The following RORC variants were observed in gnomAD, a reference collection of about 807,000 sequenced individuals.
RORC encodes the protein nuclear receptor ROR-gamma.
Under a neutral mutation model 64.5 loss-of-function variants are expected in RORC, and 13 were observed. The observed-to-expected ratio is 0.20, with a 90% CI of 0.13 to 0.32. The LOEUF (loss-of-function observed/expected upper bound fraction) is 0.32. Ranked by LOEUF, RORC falls within the 10% of genes least tolerant of loss-of-function variation. The pLI, the probability that RORC is intolerant of heterozygous loss-of-function variation, is 1.00. For synonymous variants in RORC, 277 were observed against 259.3 expected (o/e 1.07, Z -0.65); for missense variants, 468 against 669.5 (o/e 0.70, Z 3.32).
At chr1:151,824,309 G>A (rs776555078) in intron 2 of RORC, among the ~76,000 whole-genome samples, 2 of 152,134 alleles carry the variant, frequency 1.3e-5, no homozygotes, top group African/African-American at 4.8e-5. Flanking sequence ...GTGTGTGGTG[G>A]GGGTGGGAAT....
At chr1:151,825,688 G>A (rs1017609949) in intron 2 of RORC, among the ~76,000 whole-genome samples, 1 of 152,070 alleles carries the variant, frequency 6.6e-6, no homozygotes, top group Non-Finnish European at 1.5e-5. Flanking sequence ...GATACTTTTG[G>A]AGGTTCTTTT....
chr1:151,829,073 C>G (rs996258141), intron 2 of RORC, among the ~76,000 whole-genome samples: 9 of 150,714 alleles, frequency 6.0e-5, no homozygotes, highest in African/African-American at 1.7e-4. Flanking sequence ...CCTCCGCACA[C>G]CCCCCTACCT....
Position 151,815,377 on chromosome 1 carries a change from G to A in RORC, c.347C>T (p.Ala116Val), listed in dbSNP as rs1318069266. The change falls in exon 5 of 11, where the codon GCA (alanine) becomes GTA (valine). Residue 116 changes from alanine to valine, a missense_variant. Ala to Val is a moderately conservative substitution (Grantham distance 64, BLOSUM62 0). Coordinates refer to ENST00000318247, the MANE Select transcript of RORC (RefSeq NM_005060.4). ...MSKKQRDSLH[A>V]EVQKQLQQRQ... ...CTGCTGCAGCTGTTTCTGCACTTCT[G>A]CATGCAGGCTGTCCCTCTGCTTCTT... 6.4e-7 allele frequency: 1 copy of A among 1,559,810 alleles called. No homozygotes were observed. The highest frequency in any genetic ancestry group is 1.9e-5 in the Admixed American group (1 of 51,584).
intron 2 of RORC, among the ~76,000 whole-genome samples, chr1:151,824,213 A>G (rs1376020191): frequency 1.3e-5 from 2 of 152,090 alleles, no homozygotes; most frequent in Non-Finnish European, 2.9e-5. Context: ...ATACCTGTAA[A>G]TGTCCAAGTG....
intron 2 of RORC, among the ~76,000 whole-genome samples, chr1:151,823,951 C>G (rs1652093866): frequency 6.6e-6 from 1 of 152,202 alleles, no homozygotes; most frequent in African/African-American, 2.4e-5. Flanking sequence ...GCGTTTGGCT[C>G]TATTGGTGTT....
At chr1:151,824,742 ACT>A (rs1271482695) in intron 2 of RORC, among the ~76,000 whole-genome samples, 1 of 151,560 alleles carries the variant, frequency 6.6e-6, no homozygotes, top group African/African-American at 2.4e-5. Flanking sequence ...GGAATGGGAG[ACT>A]CTCCATAGTT....
intron 6 of RORC, 49 bp from the exon 7 acceptor site, chr1:151,813,669 G>T (rs1651632347): frequency 6.2e-7 from 1 of 1,602,424 alleles, no homozygotes; most frequent in Admixed American, 1.7e-5. Flanking sequence ...GTGGCCCTGT[G>T]ATCCTCCTGA....
intron 2 of RORC, among the ~76,000 whole-genome samples, chr1:151,821,476 T>C (rs1651992065): frequency 6.6e-6 from 1 of 152,208 alleles, no homozygotes; most frequent in Non-Finnish European, 1.5e-5. Flanking sequence ...ACATAAGCAT[T>C]GGCTGAATTC....
intron 4 of RORC, 72 bp downstream of exon 4, chr1:151,816,592 C>A: frequency 6.8e-7 from 1 of 1,470,920 alleles, no homozygotes; most frequent in Admixed American, 2.1e-5. Context: ...TAAGCCTTGT[C>A]TAGCTCAGCA....
intron 2 of RORC, among the ~76,000 whole-genome samples, chr1:151,823,269 T>C (rs866356161): frequency 3.3e-5 from 5 of 152,114 alleles, no homozygotes; most frequent in East Asian, 1.9e-4. Flanking sequence ...GATCAGCTCA[T>C]AGACAGTGAC....
chr1:151,819,665 G>A (rs965400540), intron 2 of RORC, among the ~76,000 whole-genome samples: 3 of 152,170 alleles, frequency 2.0e-5, no homozygotes, highest in Admixed American at 1.3e-4. Context: ...ATCCGCGTGC[G>A]TGTGTGTGCT....
chr1:151,818,992 T>C (rs376680588), intron 2 of RORC, among the ~76,000 whole-genome samples: 1 of 152,200 alleles, frequency 6.6e-6, no homozygotes, highest in South Asian at 2.1e-4. Context: ...CATGGGTATC[T>C]GAAATCCCTT....
chr1:151,809,511 T>C (rs1467579495), intron 10 of RORC, among the ~76,000 whole-genome samples: 1 of 150,668 alleles, frequency 6.6e-6, no homozygotes, highest in East Asian at 1.9e-4. Context: ...TAGGTGTGGT[T>C]GCTACAGGGC....
At chr1:151,809,260 G>A (rs138511098) in intron 10 of RORC, among the ~76,000 whole-genome samples, 38 of 152,170 alleles carry the variant, frequency 2.5e-4, no homozygotes, top group African/African-American at 3.1e-4. Context: ...TTAGCCGGGC[G>A]TGTAATCCCT....
intron 10 of RORC, among the ~76,000 whole-genome samples, chr1:151,808,979 G>A (rs1271517383): frequency 6.6e-6 from 1 of 152,170 alleles, no homozygotes; most frequent in African/African-American, 2.4e-5. Flanking sequence ...GCTGCAATGG[G>A]TGTTTGAAGG....
rs1652350096 is a variant in RORC, at chr1:151,830,205, C to G, written c.41-747G>C. 6.6e-6 allele frequency among the ~76,000 whole-genome samples: 1 copy of G among 152,146 alleles called. No homozygotes were observed. The highest frequency in any genetic ancestry group is 2.4e-5 in the African/African-American group (1 of 41,424). On this transcript the variant is annotated intron_variant, in intron 1 of 10. Coordinates refer to ENST00000318247, the MANE Select transcript of RORC (RefSeq NM_005060.4). This position sits in a 1 kb window ranked among gnomAD's most constrained non-coding sequence, Gnocchi z 4.0. ...GGCCAGGCTTCCCTGGCCTACCAGC[C>G]TGAAGAGGAAGGCCTCCCTTCTCTG...
At chr1:151,813,742 G>T in intron 6 of RORC, 122 bp from the exon 7 acceptor site, 1 of 1,127,078 alleles carries the variant, frequency 8.9e-7, no homozygotes, top group Non-Finnish European at 1.2e-6. Context: ...TTCTCAACTA[G>T]CATTTTCAAA....
intron 2 of RORC, 120 bp downstream of exon 2, chr1:151,829,309 G>A (rs890546450): frequency 4.5e-6 from 4 of 885,860 alleles, no homozygotes; most frequent in Non-Finnish European, 6.8e-6. Context: ...CCTGTTGCCT[G>A]CCATCTCTTC....
chr1:151,819,559 C>T (rs1157010903), intron 2 of RORC, among the ~76,000 whole-genome samples: 1 of 152,254 alleles, frequency 6.6e-6, no homozygotes, highest in Non-Finnish European at 1.5e-5. Context: ...AAAAAGTAAG[C>T]GGGAGGGAGA....
Sources: allele counts gnomAD v4.1 joint callset (sites outside exome capture counted in the v4.1 genomes callset), GRCh38; gene constraint gnomAD v4.1.1; non-coding constraint Gnocchi (gnomAD v3.1); transcripts MANE v1.5; gene names NCBI Gene and HGNC (gene_info 2026-07-23, HGNC 2026-07-21).